The following PTPRD variants were observed in gnomAD, a reference collection of about 807,000 sequenced individuals.
PTPRD encodes receptor-type tyrosine-protein phosphatase delta.
Under a neutral mutation model 214.5 loss-of-function variants are expected in PTPRD, and 34 were observed. The observed-to-expected ratio is 0.16, with a 90% CI of 0.12 to 0.21. The LOEUF (loss-of-function observed/expected upper bound fraction) is 0.21, where lower values mean the gene tolerates loss of function less well. Ranked by LOEUF, PTPRD falls within the 10% of genes least tolerant of loss-of-function variation. The probability of loss-of-function intolerance (pLI) is 1.00; values close to 1 mark genes in which losing one functional copy is unlikely to be tolerated. For missense variants in PTPRD, 2,545 were observed against 2,398.7 expected, an observed-to-expected ratio of 1.06 and a Z score of -1.27; for synonymous variants, 1,128 against 845.7, an observed-to-expected ratio of 1.33 and a Z score of -5.79.
At chr9:9,509,024 A>C (rs997834187) in intron 8 of PTPRD, among the ~76,000 whole-genome samples, 1 of 151,334 alleles carries the variant, frequency 6.6e-6, no homozygotes, top group East Asian at 1.9e-4. Flanking sequence ...ATATGGTTGT[A>C]AAACCTTTCC....
intron 5 of PTPRD, among the ~76,000 whole-genome samples, chr9:9,925,868 AC>A (rs1027704984): frequency 1.3e-5 from 2 of 152,028 alleles, no homozygotes; most frequent in Non-Finnish European, 2.9e-5. Flanking sequence ...TGGCTTTATC[AC>A]CCAGGCTAGA....
At chr9:8,421,335 TTTTTC>T (rs2094345426) in intron 35 of PTPRD, among the ~76,000 whole-genome samples, 1 of 150,258 alleles carries the variant, frequency 6.7e-6, no homozygotes, top group Admixed American at 6.6e-5. Flanking sequence ...TTTCCTTTTC[TTTTTC>T]TTTTCTTTCT....
chr9:9,917,969 C>A (rs1426052329), intron 5 of PTPRD, among the ~76,000 whole-genome samples: 1 of 152,016 alleles, frequency 6.6e-6, no homozygotes, highest in East Asian at 1.9e-4. Flanking sequence ...TCTTACTGAT[C>A]AGTGAAAAGC....
chr9:10,283,783 C>T lies in PTPRD; in HGVS notation c.-545+57180G>A, dbSNP rs2095241805. Among the ~76,000 whole-genome samples the T allele has an allele frequency of 1.3e-5, 2 of 152,152 alleles. 1 individual carries two copies. Among genetic ancestry groups the T allele is most frequent in the South Asian group, 4.1e-4 (2 of 4,830 alleles). On this transcript the variant is annotated intron_variant, in intron 3 of 45. Coordinates refer to ENST00000381196, the MANE Select transcript of PTPRD (RefSeq NM_002839.4). ...GTTTGTGTATTTTCTGAAGTAAAGT[C>T]CTTTCAATCCTTATGCTTTGCAACA...
intron 11 of PTPRD, among the ~76,000 whole-genome samples, chr9:8,911,113 A>G (rs540724492): frequency 1.3e-5 from 2 of 152,324 alleles, no homozygotes; most frequent in Non-Finnish European, 2.9e-5. Flanking sequence ...GTTTTTGTAC[A>G]ATTTTAAAAT....
intron 10 of PTPRD, among the ~76,000 whole-genome samples, chr9:9,070,906 T>A (rs2099742750): frequency 6.6e-6 from 1 of 152,078 alleles, no homozygotes; most frequent in Non-Finnish European, 1.5e-5. Context: ...GCACTACCTT[T>A]ATTATGATTA....
At chr9:8,321,481 GTGTGTGTATATATATATATATATATA>G (rs1317320806) in intron 44 of PTPRD, among the ~76,000 whole-genome samples, 3 of 49,198 alleles carry the variant, frequency 6.1e-5, no homozygotes, top group African/African-American at 3.0e-4. Flanking sequence ...GTGTGTGTGT[GTGTGTGTATATATATATATATATATA>G]TATATATATA....
rs112520127 is a variant in PTPRD at position 8,442,985 on chromosome 9, A to T, written c.3989-6296T>A. On this transcript the variant is annotated intron_variant, in intron 34 of 45. Coordinates refer to ENST00000381196, the MANE Select transcript of PTPRD (RefSeq NM_002839.4). ...GGAAGACCCCGTTTCTGCAACAAAAATTTTTTTAAATGAACCGGGCATTGT... is the reference window on the plus strand; with the variant it reads ...GGAAGACCCCGTTTCTGCAACAAAATTTTTTTTAAATGAACCGGGCATTGT... 8.2e-3 allele frequency among the ~76,000 whole-genome samples: 1,245 copies of T among 152,248 alleles called. 12 individuals are homozygous for T. Among genetic ancestry groups the T allele is most frequent in the African/African-American group, 0.028 (1,170 of 41,544 alleles).
At chr9:9,490,644 C>A (rs1050385975) in intron 8 of PTPRD, among the ~76,000 whole-genome samples, 11 of 151,834 alleles carry the variant, frequency 7.2e-5, no homozygotes, top group Non-Finnish European at 1.6e-4. Context: ...TGAAGTTAAG[C>A]TGGTATTAAG....
intron 11 of PTPRD, among the ~76,000 whole-genome samples, chr9:8,971,885 G>T (rs1016046500): frequency 1.3e-5 from 2 of 151,592 alleles, no homozygotes; most frequent in Non-Finnish European, 3.0e-5. Flanking sequence ...GCTTGCAAGT[G>T]GCAGAGCTAG....
intron 7 of PTPRD, among the ~76,000 whole-genome samples, chr9:9,728,269 T>C (rs1007926297): frequency 3.9e-5 from 6 of 152,186 alleles, no homozygotes; most frequent in Non-Finnish European, 7.3e-5. Flanking sequence ...AACAAACTAA[T>C]ACATGTCCCA....
intron 2 of PTPRD, among the ~76,000 whole-genome samples, chr9:10,442,394 T>C (rs1055216557): frequency 7.9e-5 from 12 of 151,636 alleles, no homozygotes; most frequent in Admixed American, 2.0e-4. Flanking sequence ...TATGTAAGTC[T>C]GAAAGGTAGG....
intron 2 of PTPRD, among the ~76,000 whole-genome samples, chr9:10,391,721 G>C (rs560886557): frequency 2.0e-5 from 3 of 151,878 alleles, no homozygotes; most frequent in South Asian, 4.1e-4. Context: ...TTAACAGCAA[G>C]AGTGGTCTCT....
intron 37 of PTPRD, among the ~76,000 whole-genome samples, chr9:8,384,762 G>A (rs560447589): frequency 2.0e-5 from 3 of 152,282 alleles, no homozygotes; most frequent in East Asian, 1.9e-4. Flanking sequence ...CTGACCTCAG[G>A]TGATCTGCCC....
At chr9:9,708,645 G>A (rs1223101598) in intron 7 of PTPRD, among the ~76,000 whole-genome samples, 2 of 151,782 alleles carry the variant, frequency 1.3e-5, no homozygotes, top group African/African-American at 4.8e-5. Context: ...CAACAAAACT[G>A]TTTTACTTTT....
At chr9:9,145,826 G>A (rs920123315) in intron 10 of PTPRD, among the ~76,000 whole-genome samples, 1 of 152,072 alleles carries the variant, frequency 6.6e-6, no homozygotes, top group African/African-American at 2.4e-5. Flanking sequence ...ACCTGACTAC[G>A]ATTCCCTCAG....
At chr9:8,870,634 G>C (rs2098279031) in intron 11 of PTPRD, among the ~76,000 whole-genome samples, 1 of 150,440 alleles carries the variant, frequency 6.6e-6, no homozygotes, top group African/African-American at 2.5e-5. Context: ...CCAAAGAGTT[G>C]GGCACTTTTC....
At chr9:10,176,139 C>G (rs2099247240) in intron 3 of PTPRD, among the ~76,000 whole-genome samples, 1 of 151,812 alleles carries the variant, frequency 6.6e-6, no homozygotes, top group Admixed American at 6.6e-5. Flanking sequence ...ACTTTAAATA[C>G]TTCTTACTCA....
At chr9:9,303,739 C>G (rs995441568) in intron 9 of PTPRD, among the ~76,000 whole-genome samples, 2 of 151,986 alleles carry the variant, frequency 1.3e-5, no homozygotes, top group African/African-American at 4.8e-5. Context: ...TGAGGGAATC[C>G]TAAAGTGAAC....
Sources: allele counts gnomAD v4.1 joint callset (sites outside exome capture counted in the v4.1 genomes callset), GRCh38; gene constraint gnomAD v4.1.1; transcripts MANE v1.5; gene names NCBI Gene and HGNC (gene_info 2026-07-23, HGNC 2026-07-21).